ANKS1B: variants seen among roughly 807,000 people sequenced by gnomAD.
ANKS1B encodes ankyrin repeat and sterile alpha motif domain containing 1B.
Under a neutral mutation model 148.3 loss-of-function variants are expected in ANKS1B, and 36 were observed. That is an observed-to-expected ratio of 0.24 (90% CI 0.19 to 0.32). The LOEUF (loss-of-function observed/expected upper bound fraction) is 0.32, where lower values mean the gene tolerates loss of function less well. ANKS1B is among the 10% of genes least tolerant of loss of function. The pLI, the probability that ANKS1B is intolerant of heterozygous loss-of-function variation, is 1.00. For synonymous variants in ANKS1B, 542 were observed against 560.8 expected, an observed-to-expected ratio of 0.97 and a Z score of 0.47; for missense variants, 1,157 against 1,542.6, an observed-to-expected ratio of 0.75 and a Z score of 4.19.
intron 9 of ANKS1B, among the ~76,000 whole-genome samples, chr12:99,553,599 G>A (rs976385864): frequency 6.6e-6 from 1 of 152,174 alleles, no homozygotes; most frequent in South Asian, 2.1e-4. Context: ...ATATATAACA[G>A]AATTAATGTG....
chr12:99,297,717 CT>C (rs954021873), intron 12 of ANKS1B, among the ~76,000 whole-genome samples: 1 of 152,042 alleles, frequency 6.6e-6, no homozygotes, highest in African/African-American at 2.4e-5. Flanking sequence ...TCATGGTGGG[CT>C]TAGCTTTCCC....
chr12:99,902,539 T>A (rs1181917435), intron 1 of ANKS1B, among the ~76,000 whole-genome samples: 1 of 152,038 alleles, frequency 6.6e-6, no homozygotes, highest in African/African-American at 2.4e-5. Context: ...AGGATGGATA[T>A]GGAAAAGAAG....
intron 1 of ANKS1B, among the ~76,000 whole-genome samples, chr12:99,850,571 A>G (rs368632389): frequency 6.6e-6 from 1 of 151,998 alleles, no homozygotes; most frequent in Non-Finnish European, 1.5e-5. Flanking sequence ...CTACAAATAT[A>G]TGATAGCTAT....
intron 9 of ANKS1B, among the ~76,000 whole-genome samples, chr12:99,653,033 T>C (rs1478994658): frequency 6.6e-6 from 1 of 152,072 alleles, no homozygotes; most frequent in Non-Finnish European, 1.5e-5. Context: ...AGCTGCAGAC[T>C]GGGAAAGATT....
chr12:98,795,500 G>A, intron 22 of ANKS1B: 1 of 370,676 alleles, frequency 2.7e-6, no homozygotes, highest in South Asian at 2.1e-5. Flanking sequence ...ATTCCTGGTA[G>A]AACAAACTTT....
At chr12:99,260,866 G>T (rs551510443) in intron 12 of ANKS1B, among the ~76,000 whole-genome samples, 8 of 152,234 alleles carry the variant, frequency 5.3e-5, no homozygotes, top group Admixed American at 3.9e-4. Flanking sequence ...GATTTGCTTG[G>T]GTTTTTCATG....
chr12:99,410,607 T>G lies in ANKS1B; in HGVS notation c.1576-10796A>C, dbSNP rs556844495. Among the ~76,000 whole-genome samples, 4 of 152,198 alleles carry G rather than the reference T, an allele frequency of 2.6e-5. No homozygotes were observed. In the South Asian group the frequency reaches 6.2e-4, roughly 24 times the overall value. Reference sequence around the variant, plus strand: ...TGGCGTGAACCTGGGAGGGGGAGCTTGCAGGGAGCCGAGATCGGGCCACTG... The same window carrying G: ...TGGCGTGAACCTGGGAGGGGGAGCTGGCAGGGAGCCGAGATCGGGCCACTG... On this transcript the variant is annotated intron_variant, in intron 11 of 26. Coordinates refer to ENST00000683438, the MANE Select transcript of ANKS1B (RefSeq NM_001352186.2).
chr12:98,892,549 A>C (rs563336356), intron 17 of ANKS1B, among the ~76,000 whole-genome samples: 16 of 152,388 alleles, frequency 1.0e-4, no homozygotes, highest in African/African-American at 3.8e-4. Flanking sequence ...TATGCAGTAA[A>C]TTAATAGACA....
rs182364995 is a variant in ANKS1B at position 99,608,490 on chromosome 12, C to T, written c.1272+46577G>A. 6.1e-4 allele frequency among the ~76,000 whole-genome samples: 93 copies of T among 152,160 alleles called. 1 individual carries two copies. Among genetic ancestry groups the T allele is most frequent in the African/African-American group, 2.1e-3 (88 of 41,526 alleles). ...CCTATAGCAAAAACCACTTACAAAC[C>T]ACTTACAGCAACCGCTGTCTGTTGT... On this transcript the variant is annotated intron_variant, in intron 9 of 26. Coordinates refer to ENST00000683438, the MANE Select transcript of ANKS1B (RefSeq NM_001352186.2).
chr12:99,531,057 A>G (rs1266705002), intron 9 of ANKS1B, among the ~76,000 whole-genome samples: 3 of 152,118 alleles, frequency 2.0e-5, no homozygotes, highest in Non-Finnish European at 1.5e-5. Flanking sequence ...AGGCCTATAG[A>G]AATTCTCCCT....
At chr12:99,872,381 T>C (rs2091622503) in intron 1 of ANKS1B, among the ~76,000 whole-genome samples, 1 of 152,118 alleles carries the variant, frequency 6.6e-6, no homozygotes, top group Non-Finnish European at 1.5e-5. Flanking sequence ...GCTGTATACT[T>C]ACAGTCAGTG....
chr12:98,759,108 T>G (rs17815396), intron 25 of ANKS1B, among the ~76,000 whole-genome samples: 1 of 152,024 alleles, frequency 6.6e-6, no homozygotes, highest in South Asian at 2.1e-4. Flanking sequence ...AATTAAGAAC[T>G]GCTACATTAG....
chr12:99,561,609 C>CTT (rs897737607), intron 9 of ANKS1B, among the ~76,000 whole-genome samples: 1 of 148,860 alleles, frequency 6.7e-6, no homozygotes. Flanking sequence ...CAAGAAACCA[C>CTT]TTTTTTTTTT....
At chr12:99,546,716 G>C (rs1019698766) in intron 9 of ANKS1B, among the ~76,000 whole-genome samples, 3 of 152,172 alleles carry the variant, frequency 2.0e-5, no homozygotes, top group Non-Finnish European at 4.4e-5. Flanking sequence ...TAAATACATA[G>C]AGCAAAGTGA....
intron 14 of ANKS1B, among the ~76,000 whole-genome samples, chr12:99,239,109 CAAA>C (rs2088676558): frequency 6.6e-6 from 1 of 152,122 alleles, no homozygotes; most frequent in Non-Finnish European, 1.5e-5. Context: ...GTTGGAATAA[CAAA>C]CTCCTCTGAG....
At chr12:99,002,871 G>T (rs2099933880) in intron 17 of ANKS1B, among the ~76,000 whole-genome samples, 1 of 151,910 alleles carries the variant, frequency 6.6e-6, no homozygotes, top group East Asian at 1.9e-4. Flanking sequence ...TGCTTTTGTC[G>T]CTGTGCTCTT....
Position 99,896,674 on chromosome 12 carries a change from T to C in ANKS1B, c.135-71285A>G, listed in dbSNP as rs898403869. Among the ~76,000 whole-genome samples, 32 of 151,274 alleles carry C rather than the reference T, an allele frequency of 2.1e-4. 2 individuals carry two copies. On this transcript the variant is annotated intron_variant, in intron 1 of 26. Coordinates refer to ENST00000683438, the MANE Select transcript of ANKS1B (RefSeq NM_001352186.2). ...CTTTCCCTAGCTCCCAACAATGACA[T>C]CTAGAATATTATACTGAATTACATT...
At chr12:99,528,045 G>A (rs1249197311) in intron 9 of ANKS1B, among the ~76,000 whole-genome samples, 1 of 151,914 alleles carries the variant, frequency 6.6e-6, no homozygotes, top group Non-Finnish European at 1.5e-5. Flanking sequence ...GCAGAACAGA[G>A]TAGAGAGCTC....
At chr12:99,421,856 TTGG>T (rs1251358630) in intron 11 of ANKS1B, among the ~76,000 whole-genome samples, 2 of 152,186 alleles carry the variant, frequency 1.3e-5, no homozygotes, top group Non-Finnish European at 2.9e-5. Context: ...CCTTCATGTC[TTGG>T]TGCTGTCCTC....
Sources: allele counts gnomAD v4.1 joint callset (sites outside exome capture counted in the v4.1 genomes callset), GRCh38; gene constraint gnomAD v4.1.1; transcripts MANE v1.5; gene names NCBI Gene and HGNC (gene_info 2026-07-23, HGNC 2026-07-21).